DNAH14: variants seen among roughly 807,000 people sequenced by gnomAD.
DNAH14 encodes the protein axonemal beta dynein heavy chain 14.
DNAH14 carries 478 observed loss-of-function variants against 520.9 expected under a neutral mutation model. The observed-to-expected ratio is 0.92, with a 90% CI of 0.85 to 0.99. The LOEUF is 0.99. Ranked by LOEUF, DNAH14 falls within the 50% of genes least tolerant of loss-of-function variation. The pLI is 0.00. For missense variants in DNAH14, 4,831 were observed against 5,234.5 expected (o/e 0.92, Z 2.38); for synonymous variants, 1,581 against 1,757.2 (o/e 0.90, Z 2.51).
At chr1:225,273,226 A>G in intron 52 of DNAH14, 101 bp downstream of exon 52, 1 of 1,247,618 alleles carries the variant, frequency 8.0e-7, no homozygotes, top group Non-Finnish European at 1.1e-6. Context: ...AGGTCAGGAG[A>G]TTGAGACCAT....
At chr1:225,182,446 C>G (rs1411394267) in intron 36 of DNAH14, among the ~76,000 whole-genome samples, 2 of 152,076 alleles carry the variant, frequency 1.3e-5, no homozygotes, top group Non-Finnish European at 2.9e-5. Flanking sequence ...TTCAAAGAAT[C>G]ATACCCTTGA....
intron 53 of DNAH14, among the ~76,000 whole-genome samples, chr1:225,277,090 GGGGGGAGGGGGAAA>G (rs2093499232): frequency 9.8e-6 from 1 of 102,528 alleles, no homozygotes; most frequent in African/African-American, 3.7e-5. Flanking sequence ...GAAATGGCAA[GGGGGGAGGGGGAAA>G]GGGGGAGGGG....
chr1:225,177,809 G>A (rs2083493650), intron 36 of DNAH14, among the ~76,000 whole-genome samples: 1 of 152,198 alleles, frequency 6.6e-6, no homozygotes, highest in African/African-American at 2.4e-5. Context: ...GAGAACCTCT[G>A]CTAGGGTAGT....
intron 41 of DNAH14, among the ~76,000 whole-genome samples, chr1:225,230,633 C>G (rs1028669453): frequency 6.6e-6 from 1 of 152,052 alleles, no homozygotes; most frequent in Admixed American, 6.6e-5. Context: ...GCCTAACATG[C>G]CCCAGCTGAA....
chr1:225,239,906 C>G (rs1456436863), intron 42 of DNAH14, among the ~76,000 whole-genome samples: 2 of 152,166 alleles, frequency 1.3e-5, no homozygotes, highest in Non-Finnish European at 2.9e-5. Flanking sequence ...AAATTCTGAA[C>G]TATATGAAAT....
chr1:225,044,003 A>G lies in DNAH14; in HGVS notation c.1912+20A>G. 1 of 1,356,452 alleles carries G rather than the reference A, an allele frequency of 7.4e-7. No individual in the cohort carries two copies. Among genetic ancestry groups the G allele is most frequent in the Non-Finnish European group, 1.0e-6 (1 of 992,706 alleles). 84.0% of individuals were successfully genotyped at this position (1,356,452 alleles called of 1,614,324 possible). ...GTATAAGTAAGTGTTTTTAAAGCTT[A>G]GTGAAATGCATTGTCTTCTTTGGCA... On this transcript the variant is annotated intron_variant, in intron 15 of 85. Transcript: ENST00000682510.
Position 225,051,692 on chromosome 1 carries a change from T to G in DNAH14, c.2321T>G (p.Leu774Arg). The change falls in exon 17 of 86, where the codon CTT (leucine) becomes CGT (arginine). Residue 774 changes from leucine (L) to arginine (R), a missense_variant. Leu to Arg is a moderately radical substitution (Grantham distance 102). Transcript: ENST00000682510. ...KRIGIFNVVS[L>R]DYQSECLLYI... ...ATTGGTATTTTCAACGTTGTAAGTC[T>G]TGATTATCAATCAGAATGCTTACTG... 1.2e-5 allele frequency: 18 copies of G among 1,551,318 alleles called. No individual in the cohort carries two copies. The highest frequency in any genetic ancestry group is 1.6e-5 in the Non-Finnish European group (18 of 1,146,734).
chr1:225,095,900 G>T (rs2074920432), intron 21 of DNAH14, among the ~76,000 whole-genome samples: 1 of 152,250 alleles, frequency 6.6e-6, no homozygotes, highest in South Asian at 2.1e-4. Context: ...GGATATGTTT[G>T]TTATCTTGAT....
intron 37 of DNAH14, among the ~76,000 whole-genome samples, chr1:225,189,502 C>T (rs886243634): frequency 3.3e-5 from 5 of 149,754 alleles, no homozygotes; most frequent in African/African-American, 1.2e-4. Flanking sequence ...TGTAGTTGGA[C>T]TGTTCTTTGT....
chr1:225,359,347 G>A (rs181629459), intron 74 of DNAH14, among the ~76,000 whole-genome samples: 153 of 152,252 alleles, frequency 1.0e-3, no homozygotes, highest in East Asian at 4.4e-3. Context: ...GTCTATGCAC[G>A]TGTTTAATAA....
intron 1 of DNAH14, among the ~76,000 whole-genome samples, chr1:224,940,124 T>G (rs532538888): frequency 6.6e-6 from 1 of 152,340 alleles, no homozygotes. Context: ...TTCACTTACA[T>G]GTGTGGTGCT....
chr1:225,271,852 G>A, intron 50 of DNAH14, 54 bp from the exon 51 acceptor site: 1 of 1,415,038 alleles, frequency 7.1e-7, no homozygotes, highest in Non-Finnish European at 9.5e-7. Flanking sequence ...GTAGCCAGAA[G>A]TAGTCTATAC....
intron 9 of DNAH14, among the ~76,000 whole-genome samples, chr1:225,004,727 T>C (rs935962170): frequency 6.6e-6 from 1 of 152,074 alleles, no homozygotes; most frequent in African/African-American, 2.4e-5. Context: ...AGAACCAAGC[T>C]GGGGTCAGGA....
intron 31 of DNAH14, among the ~76,000 whole-genome samples, chr1:225,148,622 A>G (rs555190659): frequency 4.9e-4 from 74 of 152,094 alleles, no homozygotes; most frequent in African/African-American, 1.7e-3. Context: ...GGCTGGTCTC[A>G]AACTCCTGAC....
chr1:225,379,559 G>C (rs941140310), intron 79 of DNAH14, among the ~76,000 whole-genome samples: 1 of 150,550 alleles, frequency 6.6e-6, no homozygotes, highest in Non-Finnish European at 1.5e-5. Flanking sequence ...ATAGAGTCTC[G>C]CTCTGTCACC....
chr1:225,335,525 A>G (rs1163938004), intron 66 of DNAH14, among the ~76,000 whole-genome samples: 10 of 142,846 alleles, frequency 7.0e-5, no homozygotes, highest in African/African-American at 1.8e-4. Context: ...ATGTACATAT[A>G]TACATATGTA....
intron 81 of DNAH14, among the ~76,000 whole-genome samples, chr1:225,383,152 C>G (rs1267336131): frequency 2.6e-5 from 4 of 152,236 alleles, no homozygotes; most frequent in East Asian, 1.9e-4. Context: ...TACGAAAAAC[C>G]ATTCATTTGT....
chr1:225,322,827 A>G lies in DNAH14; in HGVS notation c.9495+4A>G. On this transcript the variant is annotated splice_donor_region_variant and intron_variant, in intron 62 of 85. Transcript: ENST00000682510. Reference sequence around the variant, plus strand: ...CAAGGACAGCATACCTGATAAGGTAAAAAGTTGATCTCTAATTGATGCATC... The same window carrying G: ...CAAGGACAGCATACCTGATAAGGTAGAAAGTTGATCTCTAATTGATGCATC... 6.5e-7 allele frequency: 1 copy of G among 1,545,434 alleles called. No homozygotes were observed. The highest frequency in any genetic ancestry group is 2.5e-5 in the East Asian group (1 of 40,648).
chr1:224,933,363 G>C (rs2058821514), intron 1 of DNAH14, among the ~76,000 whole-genome samples: 2 of 151,970 alleles, frequency 1.3e-5, no homozygotes, highest in Non-Finnish European at 2.9e-5. Flanking sequence ...AAAATCATAT[G>C]ATCAACAGAG....
Sources: gnomAD v4.1 joint callset for allele counts (sites outside exome capture counted in the v4.1 genomes callset) on GRCh38, gnomAD v4.1.1 for gene constraint, MANE v1.5 for transcripts, NCBI Gene and HGNC (gene_info 2026-07-23, HGNC 2026-07-21) for gene names.